Variants in RNASE13 observed in about 807,000 individuals in gnomAD.
The protein encoded by RNASE13 is ribonuclease A family member 13 (inactive), also known as probable inactive ribonuclease-like protein 13.
For missense variants in RNASE13, 188 were observed against 192.8 expected (o/e 0.98, Z 0.15); for synonymous variants, 67 against 71.6 (o/e 0.94, Z 0.32).
At position 21,033,850 on chromosome 14, in the gene RNASE13, T is replaced by C. The variant is rs768361347; in HGVS notation, c.439A>G (p.Ile147Val). 6 of 1,613,348 alleles carry C rather than the reference T, an allele frequency of 3.7e-6. 1 individual carries two copies. The highest frequency in any genetic ancestry group is 3.3e-5 in the Admixed American group (2 of 59,984). Residue 147 changes from isoleucine (I) to valine (V), a missense_variant, in exon 2 of 2, where the codon ATA becomes GTA. Coordinates refer to ENST00000382951, the MANE Select transcript of RNASE13 (RefSeq NM_001012264.4). Reference sequence around the variant, plus strand: ...CCCGAATAGAGACCAGCGATACCTATTGGATCAGCTTCATACTTGCGGGAG... The same window carrying C: ...CCCGAATAGAGACCAGCGATACCTACTGGATCAGCTTCATACTTGCGGGAG... ...LCSRKYEADPIGIAGLYSGI is the reference protein window; with the variant it reads ...LCSRKYEADPVGIAGLYSGI
Position 21,033,837 on chromosome 14 carries a change from C to T in RNASE13, c.452G>A (p.Gly151Asp), listed in dbSNP as rs778629862. Residue 151 changes from glycine (G) to aspartate (D), a missense_variant, in exon 2 of 2, where the codon GGT becomes GAT. Transcript: ENST00000382951. ...CAGGAATTAAATTCCCGAATAGAGA[C>T]CAGCGATACCTATTGGATCAGCTTC... ...KYEADPIGIA[G>D]LYSGI The T allele has an allele frequency of 4.3e-6, 7 of 1,611,724 alleles. No individual in the cohort carries two copies. The Admixed American group carries it at 1.2e-4, about 27-fold the overall frequency.
chr14:21,033,843 A>G lies in RNASE13; in HGVS notation c.446T>C (p.Ile149Thr), dbSNP rs1566490201. ...TTAAATTCCCGAATAGAGACCAGCG[A>G]TACCTATTGGATCAGCTTCATACTT... The part of the protein sequence containing the change: ...SRKYEADPIG[I>T]AGLYSGI The change falls in exon 2 of 2, where the codon ATC becomes ACC. Residue 149 changes from isoleucine to threonine, a missense_variant. By Grantham distance (89) the Ile-to-Thr change is moderately conservative. Transcript: ENST00000382951. 18 of 1,612,958 alleles carry G rather than the reference A, an allele frequency of 1.1e-5. No individual in the cohort carries two copies. Among genetic ancestry groups the G allele is most frequent in the Non-Finnish European group, 1.5e-5 (18 of 1,179,038 alleles).
Position 21,033,808 on chromosome 14 carries a change from G to T in RNASE13, c.*10C>A, listed in dbSNP as rs2139089603. 1 of 1,547,260 alleles carries T rather than the reference G, an allele frequency of 6.5e-7. No individual in the cohort carries two copies. The highest frequency in any genetic ancestry group is 2.2e-5 in the East Asian group (1 of 44,540). On this transcript the variant is annotated 3_prime_UTR_variant, in exon 2 of 2. Coordinates refer to ENST00000382951, the MANE Select transcript of RNASE13 (RefSeq NM_001012264.4). The stretch of plus-strand genomic sequence containing the variant: ...CCTGTGGTGGTAGAGGTTGGGGAGT[G>T]GCTCAGGAATTAAATTCCCGAATAG...
chr14:21,034,357 C>T (rs1884474369), intron 1 of RNASE13, 61 bp from the exon 2 acceptor site: 3 of 1,107,904 alleles, frequency 2.7e-6, no homozygotes, highest in Non-Finnish European at 4.0e-6. Flanking sequence ...TGCCACATCC[C>T]AGAGCCTCCA....
Position 21,033,789 on chromosome 14 carries a change from G to T in RNASE13, c.*29C>A. 1 of 1,349,444 alleles carries T rather than the reference G, an allele frequency of 7.4e-7. No individual in the cohort carries two copies. Among genetic ancestry groups the T allele is most frequent in the Non-Finnish European group, 1.1e-6 (1 of 938,352 alleles). The allele number at this position is 1,349,444 out of a possible 1,614,324, so 83.6% of individuals were successfully genotyped here. A position where few individuals can be genotyped will look rare whatever the true frequency, so the allele number is the denominator to read the frequency against. On this transcript the variant is annotated 3_prime_UTR_variant, in exon 2 of 2. Coordinates refer to ENST00000382951, the MANE Select transcript of RNASE13 (RefSeq NM_001012264.4). Reference sequence around the variant, plus strand: ...TGGAAATGGAGACAGCTGGCCTGTGGTGGTAGAGGTTGGGGAGTGGCTCAG... The same window carrying T: ...TGGAAATGGAGACAGCTGGCCTGTGTTGGTAGAGGTTGGGGAGTGGCTCAG...
In RNASE13 at chr14:21,033,788, G is replaced by T; in HGVS notation, c.*30C>A. The T allele has an allele frequency of 7.5e-7, 1 of 1,337,048 alleles. No homozygotes were observed. Among genetic ancestry groups the T allele is most frequent in the Non-Finnish European group, 1.1e-6 (1 of 927,180 alleles). The allele number at this position is 1,337,048 out of a possible 1,614,324, so 82.8% of individuals were successfully genotyped here. ...TTGGAAATGGAGACAGCTGGCCTGTGGTGGTAGAGGTTGGGGAGTGGCTCA... is the reference window on the plus strand; with the variant it reads ...TTGGAAATGGAGACAGCTGGCCTGTTGTGGTAGAGGTTGGGGAGTGGCTCA... On this transcript the variant is annotated 3_prime_UTR_variant, in exon 2 of 2. Coordinates refer to ENST00000382951, the MANE Select transcript of RNASE13 (RefSeq NM_001012264.4).
rs1467805144 is a variant in RNASE13 at position 21,034,102 on chromosome 14, T to C, written c.187A>G (p.Met63Val). ...ATCTTTGGGCAATCTGAATTTTGCA[T>C]CTTGCCTCGCATATAGGACATCAGA... Reference protein sequence around the residue: ...NGLMSYMRGKMQNSDCPKIHY... With the variant: ...NGLMSYMRGKVQNSDCPKIHY... Residue 63 changes from methionine to valine, a missense_variant, in exon 2 of 2, where the codon ATG (methionine) becomes GTG (valine). Physicochemically the swap from Met to Val is conservative, Grantham distance 21. Coordinates refer to ENST00000382951, the MANE Select transcript of RNASE13 (RefSeq NM_001012264.4). The C allele has an allele frequency of 1.8e-5, 29 of 1,614,062 alleles. No individual in the cohort carries two copies. Among genetic ancestry groups the C allele is most frequent in the Non-Finnish European group, 2.4e-5 (28 of 1,180,034 alleles).
In RNASE13 at chr14:21,033,840, G is replaced by A. The variant is rs142640699; in HGVS notation, c.449C>T (p.Ala150Val). The change falls in exon 2 of 2, where the codon GCT becomes GTT. Residue 150 changes from alanine (A) to valine (V), a missense_variant. Coordinates refer to ENST00000382951, the MANE Select transcript of RNASE13 (RefSeq NM_001012264.4). ...GAATTAAATTCCCGAATAGAGACCA[G>A]CGATACCTATTGGATCAGCTTCATA... ...RKYEADPIGI[A>V]GLYSGI 553 of 1,612,188 alleles carry A rather than the reference G, an allele frequency of 3.4e-4. 4 individuals are homozygous for A. The highest frequency in any genetic ancestry group is 6.8e-5 in the Non-Finnish European group (80 of 1,178,254).
intron 1 of RNASE13, 131 bp from the exon 2 acceptor site, chr14:21,034,427 C>T: frequency 1.5e-6 from 1 of 671,242 alleles, no homozygotes; most frequent in Non-Finnish European, 2.5e-6. Flanking sequence ...TTCTCATGAC[C>T]CAGAAAGAGG....
rs1884500905 is a variant in RNASE13, at chr14:21,034,681, GA to G, written c.-35del. ...CTGACAATTCTCTGGCAGCTGGGAG[GA>G]AGGACAGGAGCTGAAGATAGCTGGG... On this transcript the variant is annotated 5_prime_UTR_variant, in exon 1 of 2. Coordinates refer to ENST00000382951, the MANE Select transcript of RNASE13 (RefSeq NM_001012264.4). 5.2e-6 allele frequency: 1 copy of G among 192,858 alleles called. No individual in the cohort carries two copies. The highest frequency in any genetic ancestry group is 1.3e-4 in the East Asian group (1 of 7,642). The allele number at this position is 192,858 out of a possible 1,614,324, so 11.9% of individuals were successfully genotyped here.
rs750951970 is a variant in RNASE13 at position 21,033,715 on chromosome 14, G to C, written c.*103C>G. The C allele has an allele frequency of 1.2e-6, 1 of 851,228 alleles. No individual in the cohort carries two copies. Among genetic ancestry groups the C allele is most frequent in the Non-Finnish European group, 2.0e-6 (1 of 494,774 alleles). 52.7% of individuals were successfully genotyped at this position (851,228 alleles called of 1,614,324 possible). A position where few individuals can be genotyped will look rare whatever the true frequency, so the allele number is the denominator to read the frequency against. ...ACCTGGTCTCTTGGGAGGGGACCCTGCCTGCCTCGTAAGTCAGGAAGGAAG... is the reference window on the plus strand; with the variant it reads ...ACCTGGTCTCTTGGGAGGGGACCCTCCCTGCCTCGTAAGTCAGGAAGGAAG... On this transcript the variant is annotated 3_prime_UTR_variant, in exon 2 of 2. Coordinates refer to ENST00000382951, the MANE Select transcript of RNASE13 (RefSeq NM_001012264.4).
Position 21,034,096 on chromosome 14 carries a change from T to C in RNASE13, c.193A>G (p.Asn65Asp). The C allele has an allele frequency of 1.2e-6, 2 of 1,614,158 alleles. No individual in the cohort carries two copies. The highest frequency in any genetic ancestry group is 1.7e-6 in the Non-Finnish European group (2 of 1,180,014). The change falls in exon 2 of 2, where the codon AAT becomes GAT. Residue 65 changes from asparagine (N) to aspartate (D), a missense_variant. Coordinates refer to ENST00000382951, the MANE Select transcript of RNASE13 (RefSeq NM_001012264.4). ...TAATGGATCTTTGGGCAATCTGAAT[T>C]TTGCATCTTGCCTCGCATATAGGAC... ...LMSYMRGKMQNSDCPKIHYVI... is the reference protein window; with the variant it reads ...LMSYMRGKMQDSDCPKIHYVI...
intron 1 of RNASE13, 49 bp from the exon 2 acceptor site, chr14:21,034,345 T>C (rs1594485288): frequency 7.8e-7 from 1 of 1,273,958 alleles, no homozygotes; most frequent in Non-Finnish European, 1.1e-6. Context: ...GAAGTGGCTG[T>C]CTGCCACATC....
Position 21,033,754 on chromosome 14 carries a change from A to G in RNASE13, c.*64T>C, listed in dbSNP as rs533305200. On this transcript the variant is annotated 3_prime_UTR_variant, in exon 2 of 2. Transcript: ENST00000382951. ...TCAGGAAGGAAGTCTTGTTACAGGG[A>G]TCAGAGTGTTGGAAATGGAGACAGC... 1 of 1,095,300 alleles carries G rather than the reference A, an allele frequency of 9.1e-7. No homozygotes were observed. Among genetic ancestry groups the G allele is most frequent in the South Asian group, 1.2e-5 (1 of 80,618 alleles). The allele number at this position is 1,095,300 out of a possible 1,614,324, so 67.8% of individuals were successfully genotyped here. A position where few individuals can be genotyped will look rare whatever the true frequency, so the allele number is the denominator to read the frequency against.
rs777486503 is a variant in RNASE13 at position 21,034,061 on chromosome 14, A to T, written c.228T>A (p.His76Gln). 6.2e-7 allele frequency: 1 copy of T among 1,614,214 alleles called. No homozygotes were observed. The highest frequency in any genetic ancestry group is 8.5e-7 in the Non-Finnish European group (1 of 1,180,018). ...ACTTCTGGATGGCCTTCCAAGGGGC[A>T]TGTATCACATAATGGATCTTTGGGC... ...SDCPKIHYVIHAPWKAIQKFC... is the reference protein window; with the variant it reads ...SDCPKIHYVIQAPWKAIQKFC... Residue 76 changes from histidine to glutamine, a missense_variant, in exon 2 of 2, where the codon CAT becomes CAA. Coordinates refer to ENST00000382951, the MANE Select transcript of RNASE13 (RefSeq NM_001012264.4).
chr14:21,033,177 G>A lies in RNASE13; in HGVS notation c.*641C>T. 2.7e-6 allele frequency: 1 copy of A among 367,382 alleles called. No individual in the cohort carries two copies. Among genetic ancestry groups the A allele is most frequent in the Non-Finnish European group, 5.3e-6 (1 of 188,576 alleles). The allele number at this position is 367,382 out of a possible 1,614,324, so 22.8% of individuals were successfully genotyped here. ...AAGGCAGGGTGACTACGGTTGTTGG[G>A]AGTGTGGGGGAGACAGTCCTAGGCT... is the stretch of plus-strand genomic sequence containing the variant. On this transcript the variant is annotated 3_prime_UTR_variant, in exon 2 of 2. Coordinates refer to ENST00000382951, the MANE Select transcript of RNASE13 (RefSeq NM_001012264.4).
In RNASE13 at chr14:21,032,967, G is replaced by A. The variant is rs767378309; in HGVS notation, c.*851C>T. The A allele has an allele frequency of 1.8e-5, 8 of 455,980 alleles. No homozygotes were observed. Among genetic ancestry groups the A allele is most frequent in the South Asian group, 3.1e-5 (2 of 64,564 alleles). The allele number at this position is 455,980 out of a possible 1,614,324, so 28.2% of individuals were successfully genotyped here. On this transcript the variant is annotated 3_prime_UTR_variant, in exon 2 of 2. Transcript: ENST00000382951. ...GATGTGGTTTTAGAAATTTATGTTC[G>A]ATTAGAGCCGGGCCTGCCTCATTCG...
chr14:21,034,192 A>G lies in RNASE13; in HGVS notation c.97T>C (p.Tyr33His), dbSNP rs1884459114. The G allele has an allele frequency of 1.2e-6, 2 of 1,614,014 alleles. No homozygotes were observed. The highest frequency in any genetic ancestry group is 2.7e-5 in the African/African-American group (2 of 74,902). ...IKMQIGSRNFYTLSIDYPRVN... is the reference protein window; with the variant it reads ...IKMQIGSRNFHTLSIDYPRVN... Reference sequence around the variant, plus strand: ...CTGGGATAGTCAATGCTTAAGGTATAGAAGTTCCTGCTGCCAATCTGCATC... The same window carrying G: ...CTGGGATAGTCAATGCTTAAGGTATGGAAGTTCCTGCTGCCAATCTGCATC... Residue 33 changes from tyrosine to histidine, a missense_variant, in exon 2 of 2, where the codon TAT (tyrosine) becomes CAT (histidine). By Grantham distance (83) the Tyr-to-His change is moderately conservative. Coordinates refer to ENST00000382951, the MANE Select transcript of RNASE13 (RefSeq NM_001012264.4).
chr14:21,033,964 T>A lies in RNASE13; in HGVS notation c.325A>T (p.Ile109Phe). The A allele has an allele frequency of 6.2e-7, 1 of 1,613,958 alleles. No individual in the cohort carries two copies. The change falls in exon 2 of 2, where the codon ATC (isoleucine) becomes TTC (phenylalanine). Residue 109 changes from isoleucine to phenylalanine, a missense_variant. Transcript: ENST00000382951. The part of the protein sequence containing the change: ...YCTLTQDSLP[I>F]TVCSLSHQQP... ...TGGTGGCTCAGGGAGCAGACCGTGATGGGGAGGGAATCCTGGGTGAGTGTG... is the reference window on the plus strand; with the variant it reads ...TGGTGGCTCAGGGAGCAGACCGTGAAGGGGAGGGAATCCTGGGTGAGTGTG...
Sources: allele counts gnomAD v4.1 joint callset, GRCh38; gene constraint gnomAD v4.1.1; transcripts MANE v1.5; gene names NCBI Gene and HGNC (gene_info 2026-07-23, HGNC 2026-07-21).